Variants in BCAS3 observed in about 807,000 individuals in gnomAD.
The protein encoded by BCAS3 is BCAS4/BCAS3 fusion.
A neutral mutation model predicts 116.1 loss-of-function variants in BCAS3; 53 were observed. That is an observed-to-expected ratio of 0.46 (90% CI 0.37 to 0.57). The LOEUF (loss-of-function observed/expected upper bound fraction) is 0.57, where lower values mean the gene tolerates loss of function less well. Among genes scored for constraint, BCAS3 ranks in the 20% least tolerant of loss-of-function variants. BCAS3 has a pLI of 0.00. For synonymous variants in BCAS3, 391 were observed against 408.2 expected (o/e 0.96, Z 0.51); for missense variants, 917 against 1,165.4 (o/e 0.79, Z 3.10).
intron 6 of BCAS3, among the ~76,000 whole-genome samples, chr17:60,770,562 G>A (rs1158452188): frequency 9.3e-5 from 14 of 151,060 alleles, no homozygotes; most frequent in African/African-American, 3.4e-4. Flanking sequence ...GGGATTACAG[G>A]CATCTGCCAC....
rs2066879101 is a variant in BCAS3 at position 61,034,634 on chromosome 17, A to G, written c.1638-32A>G. 1 of 1,562,400 alleles carries G rather than the reference A, an allele frequency of 6.4e-7. No homozygotes were observed. Among genetic ancestry groups the G allele is most frequent in the Middle Eastern group, 1.7e-4 (1 of 5,910 alleles). ...TAAAGGAGTATCATTTCATCATGAT[A>G]ATTGTTTTTTACTCTTATTTTATTT... On this transcript the variant is annotated intron_variant, in intron 16 of 23. Coordinates refer to ENST00000407086, the MANE Select transcript of BCAS3 (RefSeq NM_017679.5). The surrounding 1 kb of genome is among the most constrained non-coding windows in gnomAD (Gnocchi z 5.0).
chr17:61,234,782 A>G (rs2082897440), intron 22 of BCAS3, among the ~76,000 whole-genome samples: 2 of 14,958 alleles, frequency 1.3e-4, no homozygotes, highest in Non-Finnish European at 9.8e-4. Flanking sequence ...GGCTTTTTCC[A>G]GAAAAAAAAA....
intron 5 of BCAS3, among the ~76,000 whole-genome samples, chr17:60,735,982 T>A (rs1013955806): frequency 1.3e-5 from 2 of 152,178 alleles, no homozygotes; most frequent in African/African-American, 4.8e-5. Context: ...AGTGAGCCAT[T>A]CAACATTTTT....
chr17:60,763,449 A>G (rs899313080), intron 6 of BCAS3, among the ~76,000 whole-genome samples: 14 of 152,176 alleles, frequency 9.2e-5, no homozygotes, highest in Admixed American at 7.9e-4. Flanking sequence ...ATCTATTGAG[A>G]TAATCATGTG....
chr17:60,855,165 G>T (rs1438177449), intron 7 of BCAS3, among the ~76,000 whole-genome samples: 12 of 151,166 alleles, frequency 7.9e-5, no homozygotes, highest in African/African-American at 2.9e-4. Context: ...GGTCAGGTTG[G>T]TCTCGAACTC....
At chr17:60,763,624 C>T (rs958182466) in intron 6 of BCAS3, among the ~76,000 whole-genome samples, 11 of 151,998 alleles carry the variant, frequency 7.2e-5, no homozygotes, top group Non-Finnish European at 1.5e-4. Context: ...ATTTTCGCAT[C>T]GATGTTCATC....
At position 61,236,572 on chromosome 17, in the gene BCAS3, G is replaced by A. The variant is rs545786877; in HGVS notation, c.2426-131755G>A. Among the ~76,000 whole-genome samples, 22 of 152,212 alleles carry A rather than the reference G, an allele frequency of 1.4e-4. No homozygotes were observed. In the East Asian group the frequency reaches 3.7e-3, roughly 25 times the overall value. On this transcript the variant is annotated intron_variant, in intron 22 of 23. Transcript: ENST00000407086. ...CCTGACCTCGTGATCCACCCGCCTC[G>A]GCCTCCCAAAGTGCTGGGATTACAG...
intron 22 of BCAS3, among the ~76,000 whole-genome samples, chr17:61,099,545 T>C (rs1408104668): frequency 1.3e-5 from 2 of 152,236 alleles, no homozygotes; most frequent in Non-Finnish European, 2.9e-5. Flanking sequence ...AATTGTGTAA[T>C]CAAGTGAAAT....
In BCAS3 at chr17:61,265,081, G is replaced by A. The variant is rs899850928; in HGVS notation, c.2426-103246G>A. ...ATTATTTAACATTAGTTACCTCACCGGGTTAGTTTGACAATTACATGGAGT... is the reference window on the plus strand; with the variant it reads ...ATTATTTAACATTAGTTACCTCACCAGGTTAGTTTGACAATTACATGGAGT... On this transcript the variant is annotated intron_variant, in intron 22 of 23. Transcript: ENST00000407086. The surrounding 1 kb of genome is among the most constrained non-coding windows in gnomAD (Gnocchi z 4.3). 3.9e-5 allele frequency among the ~76,000 whole-genome samples: 6 copies of A among 152,044 alleles called. No homozygotes were observed. The highest frequency in any genetic ancestry group is 7.2e-5 in the African/African-American group (3 of 41,380).
intron 12 of BCAS3, among the ~76,000 whole-genome samples, chr17:60,919,481 C>T (rs1428498385): frequency 6.6e-6 from 1 of 152,078 alleles, no homozygotes; most frequent in African/African-American, 2.4e-5. Context: ...TGTGCCACCA[C>T]GCCCAGCTAA....
intron 15 of BCAS3, among the ~76,000 whole-genome samples, chr17:61,010,146 C>A (rs971755554): frequency 6.8e-6 from 1 of 147,976 alleles, no homozygotes; most frequent in African/African-American, 2.5e-5. Flanking sequence ...CTCTGCAAAG[C>A]TGACCTGACA....
chr17:61,047,891 T>C lies in BCAS3; in HGVS notation c.2029+6999T>C, dbSNP rs142874530. On this transcript the variant is annotated intron_variant, in intron 19 of 23. Transcript: ENST00000407086. ...TTTAAGTTGCTGACATTAACTAGCT[T>C]TGTGGCAGAGTGGGTTTCAGAGTTT... Among the ~76,000 whole-genome samples, 2 of 152,128 alleles carry C rather than the reference T, an allele frequency of 1.3e-5. 1 individual carries two copies. The highest frequency in any genetic ancestry group is 2.9e-5 in the Non-Finnish European group (2 of 67,952).
chr17:60,888,278 T>G (rs1213092421), intron 9 of BCAS3, among the ~76,000 whole-genome samples: 1 of 152,228 alleles, frequency 6.6e-6, no homozygotes, highest in Non-Finnish European at 1.5e-5. Flanking sequence ...CTTTTGTATT[T>G]GTGAGGTTAA....
chr17:60,678,983 G>A (rs1447390361), intron 1 of BCAS3, among the ~76,000 whole-genome samples: 1 of 152,150 alleles, frequency 6.6e-6, no homozygotes, highest in African/African-American at 2.4e-5. Context: ...CAGCACTTTG[G>A]GAGGCTAAGG....
chr17:61,165,926 A>C (rs554241474), intron 22 of BCAS3, among the ~76,000 whole-genome samples: 1 of 152,302 alleles, frequency 6.6e-6, no homozygotes, highest in East Asian at 1.9e-4. Flanking sequence ...TTATTTCAGC[A>C]TAGTTACTAA....
Position 60,903,246 on chromosome 17 carries a change from CATATA to C in BCAS3, c.822+547_822+551del, listed in dbSNP as rs566902886. On this transcript the variant is annotated intron_variant, in intron 11 of 23. Transcript: ENST00000407086. ...ATGACAGAGTGAATCTAAAAGACAACATATAATAGAAAGCACAACCATTCAGAAAA... is the reference window on the plus strand; with the variant it reads ...ATGACAGAGTGAATCTAAAAGACAACATAGAAAGCACAACCATTCAGAAAA... Among the ~76,000 whole-genome samples, 19 of 152,268 alleles carry C rather than the reference CATATA, an allele frequency of 1.2e-4. No individual in the cohort carries two copies. In the Middle Eastern group the frequency reaches 0.01, roughly 82 times the overall value.
Position 61,368,358 on chromosome 17 carries a change from G to A in BCAS3, c.2457G>A (p.Glu819=). 3.7e-6 allele frequency: 6 copies of A among 1,608,472 alleles called. No homozygotes were observed. The highest frequency in any genetic ancestry group is 5.1e-6 in the Non-Finnish European group (6 of 1,175,390). The part of the protein sequence containing the change: ...GTFDRSVTLL[E]VCGSWPEGFG... ...TTGACAGGAGCGTGACCCTGCTGGA[G>A]GTGTGCGGGAGCTGGCCTGAGGGCT... Residue 819 remains glutamate, a synonymous_variant, in exon 23 of 24, where the codon GAG becomes GAA. Transcript: ENST00000407086. This position sits in a 1 kb window ranked among gnomAD's most constrained non-coding sequence, Gnocchi z 6.0.
chr17:60,999,798 T>A (rs955203483), intron 15 of BCAS3, among the ~76,000 whole-genome samples: 26 of 152,214 alleles, frequency 1.7e-4, no homozygotes, highest in African/African-American at 6.0e-4. Context: ...GGAATGCTTT[T>A]CCATTTGCTG....
At chr17:60,750,413 G>T (rs925622095) in intron 6 of BCAS3, among the ~76,000 whole-genome samples, 3 of 152,076 alleles carry the variant, frequency 2.0e-5, no homozygotes, top group Admixed American at 6.5e-5. Flanking sequence ...ATGCTTTCCT[G>T]CTGAGTTCAG....
Sources: gnomAD v4.1 joint callset for allele counts (sites outside exome capture counted in the v4.1 genomes callset) on GRCh38, gnomAD v4.1.1 for gene constraint, Gnocchi (gnomAD v3.1) non-coding constraint, MANE v1.5 for transcripts, NCBI Gene and HGNC (gene_info 2026-07-23, HGNC 2026-07-21) for gene names.